The following LUC7L2 variants were observed in gnomAD, a reference collection of about 807,000 sequenced individuals.
The protein encoded by LUC7L2 is LUC7 like 2, pre-mRNA splicing factor.
LUC7L2 carries 25 observed loss-of-function variants against 52.8 expected under a neutral mutation model. The observed-to-expected ratio is 0.47, with a 90% CI of 0.34 to 0.66. The LOEUF is 0.66. Ranked by LOEUF, LUC7L2 falls within the 30% of genes least tolerant of loss-of-function variation. The pLI, the probability that LUC7L2 is intolerant of heterozygous loss-of-function variation, is 0.01. For synonymous variants in LUC7L2, 144 were observed against 160.9 expected, an observed-to-expected ratio of 0.89 and a Z score of 0.80; for missense variants, 328 against 497.8, an observed-to-expected ratio of 0.66 and a Z score of 3.25.
intron 1 of LUC7L2, among the ~76,000 whole-genome samples, chr7:139,350,246 T>G (rs552590647): frequency 6.6e-6 from 1 of 152,014 alleles, no homozygotes; most frequent in Non-Finnish European, 1.5e-5. Flanking sequence ...CTCAGCCTCC[T>G]GAGTAGCTGG....
intron 1 of LUC7L2, among the ~76,000 whole-genome samples, chr7:139,372,491 T>C (rs1443823957): frequency 6.6e-6 from 1 of 152,174 alleles, no homozygotes; most frequent in South Asian, 2.1e-4. Context: ...GTCCTGTCTT[T>C]CCTTCAAATT....
intron 1 of LUC7L2, chr7:139,375,219 CT>C: frequency 1.0e-6 from 1 of 984,492 alleles, no homozygotes; most frequent in Non-Finnish European, 1.2e-6. Context: ...TTCTTAGATT[CT>C]TTAACGTTTT....
upstream of LUC7L2, chr7:139,359,741 G>C (rs1799758114): frequency 5.0e-6 from 2 of 399,760 alleles, no homozygotes; most frequent in Non-Finnish European, 8.8e-6. Context: ...AGAGTATCGC[G>C]AGATCCGGGG....
At chr7:139,401,893 T>C (rs1397116025) in intron 3 of LUC7L2, among the ~76,000 whole-genome samples, 4 of 151,950 alleles carry the variant, frequency 2.6e-5, no homozygotes, top group Admixed American at 2.6e-4. Context: ...AAGCTGAGAC[T>C]ACAGGTGTGC....
At chr7:139,419,785 A>G (rs1795803119) in intron 9 of LUC7L2, among the ~76,000 whole-genome samples, 1 of 152,228 alleles carries the variant, frequency 6.6e-6, no homozygotes, top group Middle Eastern at 3.2e-3. Flanking sequence ...GCATGTTCAT[A>G]AAGAGGATTA....
At position 139,412,594 on chromosome 7, in the gene LUC7L2, A is replaced by C. The variant is rs757553659; in HGVS notation, c.809+14A>C. On this transcript the variant is annotated intron_variant, in intron 8 of 9. Coordinates refer to ENST00000354926, the MANE Select transcript of LUC7L2 (RefSeq NM_016019.5). Reference sequence around the variant, plus strand: ...GAATCCAAAAAGGTAGGTGTATTACATAAGACAGGTATAAGTAGTGAAGTT... The same window carrying C: ...GAATCCAAAAAGGTAGGTGTATTACCTAAGACAGGTATAAGTAGTGAAGTT... 4 of 1,603,064 alleles carry C rather than the reference A, an allele frequency of 2.5e-6. No individual in the cohort carries two copies. The highest frequency in any genetic ancestry group is 2.3e-5 in the South Asian group (2 of 88,310).
intron 1 of LUC7L2, among the ~76,000 whole-genome samples, chr7:139,362,830 A>G (rs920903569): frequency 6.6e-6 from 1 of 151,726 alleles, no homozygotes; most frequent in Non-Finnish European, 1.5e-5. Context: ...ACAGTTTTTA[A>G]TTAGTTCCTT....
chr7:139,370,702 G>T (rs985935882), intron 1 of LUC7L2, among the ~76,000 whole-genome samples: 1 of 152,202 alleles, frequency 6.6e-6, no homozygotes, highest in African/African-American at 2.4e-5. Flanking sequence ...TGATCTGCCT[G>T]CCTTGCCCAC....
At chr7:139,398,538 G>T in intron 2 of LUC7L2, 61 bp from the exon 3 acceptor site, 1 of 1,374,130 alleles carries the variant, frequency 7.3e-7, no homozygotes, top group Non-Finnish European at 9.9e-7. Flanking sequence ...AACTGTGGTT[G>T]TTGAAGCATT....
At chr7:139,376,775 G>T (rs1289139670) in intron 2 of LUC7L2, among the ~76,000 whole-genome samples, 1 of 152,180 alleles carries the variant, frequency 6.6e-6, no homozygotes, top group East Asian at 1.9e-4. Context: ...TTTGGATTTG[G>T]TTGAAATGAT....
At chr7:139,368,373 AG>A (rs772264179) in intron 1 of LUC7L2, among the ~76,000 whole-genome samples, 26 of 152,358 alleles carry the variant, frequency 1.7e-4, no homozygotes, top group Non-Finnish European at 2.5e-4. Flanking sequence ...TGTTTTAAAA[AG>A]TACAGAGGTC....
chr7:139,383,772 C>G (rs192618947), intron 2 of LUC7L2, among the ~76,000 whole-genome samples: 1 of 114,450 alleles, frequency 8.7e-6, no homozygotes. Context: ...ATTGCTCTTT[C>G]GCCTAGGCTG....
At chr7:139,386,658 G>A (rs544140160) in intron 2 of LUC7L2, among the ~76,000 whole-genome samples, 3 of 151,116 alleles carry the variant, frequency 2.0e-5, no homozygotes, top group South Asian at 2.1e-4. Flanking sequence ...TGCCCACCTC[G>A]GCCTCCCAAA....
chr7:139,381,234 G>A (rs1569376319), intron 2 of LUC7L2, among the ~76,000 whole-genome samples: 1 of 151,944 alleles, frequency 6.6e-6, no homozygotes, highest in Non-Finnish European at 1.5e-5. Context: ...CAGTTTTTTA[G>A]GTAATTCAGT....
At chr7:139,396,978 C>CTA (rs1174885935) in intron 2 of LUC7L2, among the ~76,000 whole-genome samples, 1 of 152,110 alleles carries the variant, frequency 6.6e-6, no homozygotes, top group Non-Finnish European at 1.5e-5. Flanking sequence ...CGTGCATTAG[C>CTA]TATCCTTTTT....
At chr7:139,356,570 T>C (rs1799613909), upstream of LUC7L2, among the ~76,000 whole-genome samples, 1 of 147,666 alleles carries the variant, frequency 6.8e-6, no homozygotes. Flanking sequence ...TCACTTAAGG[T>C]CAGGAGTTTG....
chr7:139,389,102 T>C (rs1794322019), intron 2 of LUC7L2, among the ~76,000 whole-genome samples: 1 of 151,904 alleles, frequency 6.6e-6, no homozygotes, highest in Admixed American at 6.6e-5. Flanking sequence ...TGTCACCTCC[T>C]TTCTTTTTTC....
intron 1 of LUC7L2, among the ~76,000 whole-genome samples, chr7:139,344,508 T>C (rs1185833079): frequency 2.0e-5 from 3 of 152,132 alleles, no homozygotes; most frequent in Admixed American, 6.5e-5. Flanking sequence ...GATAATCCTT[T>C]TATTTTTTTC....
chr7:139,399,728 CA>C (rs1279323429), intron 3 of LUC7L2, among the ~76,000 whole-genome samples: 6 of 151,934 alleles, frequency 3.9e-5, no homozygotes, highest in Non-Finnish European at 8.8e-5. Context: ...CTCAGCCTCC[CA>C]AAGTGTTGGG....
Sources: allele counts gnomAD v4.1 joint callset (sites outside exome capture counted in the v4.1 genomes callset), GRCh38; gene constraint gnomAD v4.1.1; transcripts MANE v1.5; gene names NCBI Gene and HGNC (gene_info 2026-07-23, HGNC 2026-07-21).